Variants in CFDP1 observed in about 807,000 individuals in gnomAD.
CFDP1 encodes the protein chromatin remodeling protein CFDP1.
In CFDP1, 31 loss-of-function variants were observed where a neutral mutation model predicts 40.1. The ratio of observed to expected loss-of-function variants is 0.77; its 90% CI spans 0.58 to 1.04. The LOEUF is 1.04. CFDP1 is among the 50% of genes least tolerant of loss of function. The pLI, the probability that CFDP1 is intolerant of heterozygous loss-of-function variation, is 0.00. For missense variants in CFDP1, 423 were observed against 343.4 expected, an observed-to-expected ratio of 1.23 and a Z score of -1.83; for synonymous variants, 167 against 120.0, an observed-to-expected ratio of 1.39 and a Z score of -2.56.
At position 75,316,862 on chromosome 16, in the gene CFDP1, G is replaced by A. The variant is rs374528245; in HGVS notation, c.651-11680C>T. On this transcript the variant is annotated intron_variant, in intron 5 of 6. Coordinates refer to ENST00000283882, the MANE Select transcript of CFDP1 (RefSeq NM_006324.3). ...CGCATGCCTGTAATCCCAGCTACTCGGGAGGCTACTCCTACTGCCTCAGCA... is the reference window on the plus strand; with the variant it reads ...CGCATGCCTGTAATCCCAGCTACTCAGGAGGCTACTCCTACTGCCTCAGCA... 1.8e-4 allele frequency among the ~76,000 whole-genome samples: 27 copies of A among 151,996 alleles called. 1 individual carries two copies. The South Asian group carries it at 5.0e-3, about 28-fold the overall frequency.
chr16:75,348,710 A>G (rs1172356183), intron 5 of CFDP1, among the ~76,000 whole-genome samples: 1 of 152,176 alleles, frequency 6.6e-6, no homozygotes, highest in African/African-American at 2.4e-5. Flanking sequence ...CTGTGTTGCC[A>G]TATTATCTTT....
At chr16:75,410,077 A>C (rs1597392857) in intron 4 of CFDP1, among the ~76,000 whole-genome samples, 1 of 150,398 alleles carries the variant, frequency 6.6e-6, no homozygotes, top group Non-Finnish European at 1.5e-5. Flanking sequence ...AAAAAAAAAA[A>C]AAAAAAAAAC....
chr16:75,305,407 G>A (rs1239758289), intron 5 of CFDP1: 5 of 507,744 alleles, frequency 9.8e-6, no homozygotes, highest in Non-Finnish European at 1.8e-5. Flanking sequence ...CCTGAGCTAC[G>A]AACAGGAAAT....
rs529166532 is a variant in CFDP1 at position 75,340,701 on chromosome 16, C to T, written c.651-35519G>A. Among the ~76,000 whole-genome samples the T allele has an allele frequency of 6.6e-5, 10 of 152,334 alleles. No homozygotes were observed. In the South Asian group the frequency reaches 1.0e-3, roughly 16 times the overall value. On this transcript the variant is annotated intron_variant, in intron 5 of 6. Coordinates refer to ENST00000283882, the MANE Select transcript of CFDP1 (RefSeq NM_006324.3). ...TAAGAAAGAGAAGCCCATTGATAGA[C>T]GCTCTACTTCTCTGTCACAGATTCT...
rs553145788 is a variant in CFDP1, at chr16:75,346,212, A to G, written c.651-41030T>C. On this transcript the variant is annotated intron_variant, in intron 5 of 6. Coordinates refer to ENST00000283882, the MANE Select transcript of CFDP1 (RefSeq NM_006324.3). ...GGATTCTGACATCAAAGCTGTAGGT[A>G]AATGTAAATGAAGTAGCCCAAGGAC... Among the ~76,000 whole-genome samples the G allele has an allele frequency of 3.0e-4, 46 of 152,312 alleles. 1 individual carries two copies. In the South Asian group the frequency reaches 9.3e-3, roughly 31 times the overall value.
At chr16:75,301,417 A>G (rs2078220419) in intron 6 of CFDP1, among the ~76,000 whole-genome samples, 1 of 151,928 alleles carries the variant, frequency 6.6e-6, no homozygotes, top group Non-Finnish European at 1.5e-5. Context: ...AGGTGCCTGT[A>G]TAATTCTTCC....
At chr16:75,372,506 G>A (rs548073863) in intron 5 of CFDP1, 25 of 117,824 alleles carry the variant, frequency 2.1e-4, no homozygotes, top group African/African-American at 5.7e-4. Context: ...TTCTGAAATC[G>A]AACCAGAACT....
At chr16:75,330,406 G>A (rs892275720) in intron 5 of CFDP1, among the ~76,000 whole-genome samples, 7 of 152,200 alleles carry the variant, frequency 4.6e-5, no homozygotes, top group African/African-American at 1.7e-4. Flanking sequence ...GACCAACACG[G>A]TGAAACCCCA....
At chr16:75,414,547 T>C (rs893789510) in intron 2 of CFDP1, 31 bp downstream of exon 2, 164 of 1,359,792 alleles carry the variant, frequency 1.2e-4, no homozygotes, top group Non-Finnish European at 1.5e-4. Flanking sequence ...CAATAGCCCC[T>C]AACTTCTAAG....
In CFDP1 at chr16:75,302,856, A is replaced by G. The variant is rs144801556; in HGVS notation, c.809+2168T>C. ...TCCTGTAGCATTCCAGCTTAGGCTGATCTAGAAGTCTGCTAGTTAAACAAG... is the reference window on the plus strand; with the variant it reads ...TCCTGTAGCATTCCAGCTTAGGCTGGTCTAGAAGTCTGCTAGTTAAACAAG... On this transcript the variant is annotated intron_variant, in intron 6 of 6. Transcript: ENST00000283882. Among the ~76,000 whole-genome samples the G allele has an allele frequency of 2.9e-3, 444 of 152,308 alleles. 3 individuals carry two copies. Among genetic ancestry groups the G allele is most frequent in the African/African-American group, 9.6e-3 (401 of 41,560 alleles).
intron 6 of CFDP1, among the ~76,000 whole-genome samples, chr16:75,303,237 G>A (rs1055881382): frequency 4.0e-5 from 6 of 150,936 alleles, no homozygotes; most frequent in Non-Finnish European, 7.4e-5. Context: ...GTGTAGGCGC[G>A]CGCCTGTAAT....
chr16:75,342,697 T>C (rs1158349219), intron 5 of CFDP1, among the ~76,000 whole-genome samples: 1 of 152,226 alleles, frequency 6.6e-6, no homozygotes, highest in Admixed American at 6.5e-5. Flanking sequence ...ATTTTGAGGT[T>C]AGGTGGCTAG....
chr16:75,388,396 C>T (rs1356273111), intron 5 of CFDP1, among the ~76,000 whole-genome samples: 1 of 152,076 alleles, frequency 6.6e-6, no homozygotes, highest in African/African-American at 2.4e-5. Context: ...CAAATTGTTT[C>T]CAAAATGAAA....
At chr16:75,402,113 G>T (rs377735562) in intron 4 of CFDP1, among the ~76,000 whole-genome samples, 1 of 152,138 alleles carries the variant, frequency 6.6e-6, no homozygotes, top group East Asian at 1.9e-4. Flanking sequence ...TTCATTGACA[G>T]TATGCCTAGA....
At chr16:75,425,936 T>C (rs1405273641) in intron 1 of CFDP1, among the ~76,000 whole-genome samples, 1 of 142,084 alleles carries the variant, frequency 7.0e-6, no homozygotes, top group Admixed American at 7.6e-5. Context: ...CTCGGGAAGC[T>C]GAGGCAGGAG....
Position 75,412,721 on chromosome 16 carries a change from T to G in CFDP1, c.216A>C (p.Glu72Asp), listed in dbSNP as rs1019793271. Residue 72 changes from glutamate to aspartate, a missense_variant, in exon 3 of 7, where the codon GAA becomes GAC. Transcript: ENST00000283882. ...CTGAATTGGCATCCTCCTCTTCCTC[T>G]TCTTCTAATGAGAGGCCACCTTGTC... The part of the protein sequence containing the change: ...KRRQGGLSLE[E>D]EEEEDANSES... The G allele has an allele frequency of 6.2e-7, 1 of 1,613,798 alleles. No individual in the cohort carries two copies. The highest frequency in any genetic ancestry group is 8.5e-7 in the Non-Finnish European group (1 of 1,179,978).
chr16:75,398,899 CA>C (rs969329559), intron 4 of CFDP1, among the ~76,000 whole-genome samples: 2 of 151,364 alleles, frequency 1.3e-5, no homozygotes, highest in East Asian at 1.9e-4. Flanking sequence ...CTAAAAAATA[CA>C]AAAAAAATTA....
chr16:75,427,420 C>A (rs941894699), intron 1 of CFDP1, among the ~76,000 whole-genome samples: 1 of 151,880 alleles, frequency 6.6e-6, no homozygotes, highest in Non-Finnish European at 1.5e-5. Flanking sequence ...CCGGCTAATT[C>A]TTTGTATTTT....
chr16:75,420,233 G>A (rs150246745), intron 1 of CFDP1, among the ~76,000 whole-genome samples: 61 of 151,910 alleles, frequency 4.0e-4, no homozygotes, highest in Non-Finnish European at 6.9e-4. Context: ...GTATACAAGA[G>A]AGGGATCAGA....
Sources: gnomAD v4.1 joint callset for allele counts (sites outside exome capture counted in the v4.1 genomes callset) on GRCh38, gnomAD v4.1.1 for gene constraint, MANE v1.5 for transcripts, NCBI Gene and HGNC (gene_info 2026-07-23, HGNC 2026-07-21) for gene names.